ADCY2: variants seen among roughly 807,000 people sequenced by gnomAD.
ADCY2 encodes adenylate cyclase 2, also known as adenylate cyclase type 2.
A neutral mutation model predicts 125.2 loss-of-function variants in ADCY2; 31 were observed. The observed-to-expected ratio is 0.25, with a 90% CI of 0.19 to 0.33. The LOEUF (loss-of-function observed/expected upper bound fraction) is 0.33. ADCY2 is among the 10% of genes least tolerant of loss of function. The pLI, the probability that ADCY2 is intolerant of heterozygous loss-of-function variation, is 1.00. For synonymous variants in ADCY2, 512 were observed against 548.4 expected, an observed-to-expected ratio of 0.93 and a Z score of 0.93; for missense variants, 904 against 1,418.2, an observed-to-expected ratio of 0.64 and a Z score of 5.82.
intron 3 of ADCY2, among the ~76,000 whole-genome samples, chr5:7,581,106 G>A (rs1447213761): frequency 6.6e-6 from 1 of 152,210 alleles, no homozygotes; most frequent in Non-Finnish European, 1.5e-5. Flanking sequence ...ATGATGGAAA[G>A]TTGGATTGCC....
At chr5:7,784,296 A>G in intron 18 of ADCY2, 69 bp from the exon 19 acceptor site, 1 of 1,133,294 alleles carries the variant, frequency 8.8e-7, no homozygotes, top group South Asian at 1.3e-5. Context: ...GTTGATATTC[A>G]AATTCTAAGT....
chr5:7,812,388 T>G (rs1463358035), intron 22 of ADCY2, among the ~76,000 whole-genome samples: 1 of 152,072 alleles, frequency 6.6e-6, no homozygotes, highest in East Asian at 1.9e-4. Flanking sequence ...CAAAGACACT[T>G]AAAAGGTCAG....
At chr5:7,480,966 G>A (rs531597644) in intron 2 of ADCY2, among the ~76,000 whole-genome samples, 2 of 152,200 alleles carry the variant, frequency 1.3e-5, no homozygotes, top group South Asian at 4.1e-4. Flanking sequence ...TATCTCTTTG[G>A]CATGCCAATT....
At chr5:7,761,673 C>A (rs541784556) in intron 16 of ADCY2, among the ~76,000 whole-genome samples, 1 of 151,996 alleles carries the variant, frequency 6.6e-6, no homozygotes, top group Non-Finnish European at 1.5e-5. Flanking sequence ...CTAGTTTGAC[C>A]TTATAAAACC....
At chr5:7,497,317 T>C (rs904629546) in intron 2 of ADCY2, among the ~76,000 whole-genome samples, 3 of 152,128 alleles carry the variant, frequency 2.0e-5, no homozygotes. Context: ...AAAATGTATA[T>C]GGTTTATAAT....
At chr5:7,428,211 CT>C (rs1445647874) in intron 2 of ADCY2, among the ~76,000 whole-genome samples, 4 of 152,184 alleles carry the variant, frequency 2.6e-5, no homozygotes, top group African/African-American at 9.7e-5. Context: ...CATGACTTTG[CT>C]TCAGGCAAAA....
intron 3 of ADCY2, among the ~76,000 whole-genome samples, chr5:7,526,588 A>G (rs887266059): frequency 2.0e-5 from 3 of 152,132 alleles, no homozygotes; most frequent in African/African-American, 7.2e-5. Context: ...CCCCCAAAAT[A>G]TGTGCAACTA....
intron 2 of ADCY2, among the ~76,000 whole-genome samples, chr5:7,452,580 T>C (rs1463553295): frequency 2.0e-5 from 3 of 152,234 alleles, no homozygotes; most frequent in Non-Finnish European, 4.4e-5. Flanking sequence ...GCAGGTGTCT[T>C]TTTGATATAA....
intron 3 of ADCY2, among the ~76,000 whole-genome samples, chr5:7,617,997 G>T (rs1737822250): frequency 6.6e-6 from 1 of 152,052 alleles, no homozygotes; most frequent in African/African-American, 2.4e-5. Context: ...GAATATTTTG[G>T]TCACACCAAA....
chr5:7,621,641 T>C (rs1737957464), intron 3 of ADCY2, among the ~76,000 whole-genome samples: 1 of 152,228 alleles, frequency 6.6e-6, no homozygotes, highest in South Asian at 2.1e-4. Context: ...CTGCTCTCTG[T>C]ACTCTTAAAT....
At chr5:7,632,071 C>G (rs1210160141) in intron 4 of ADCY2, among the ~76,000 whole-genome samples, 1 of 152,126 alleles carries the variant, frequency 6.6e-6, no homozygotes, top group Non-Finnish European at 1.5e-5. Flanking sequence ...GAGAGGAATT[C>G]AAGCCAGTGA....
chr5:7,614,993 C>T (rs542828587), intron 3 of ADCY2, among the ~76,000 whole-genome samples: 3 of 152,200 alleles, frequency 2.0e-5, no homozygotes, highest in Admixed American at 6.5e-5. Context: ...GAAGCATGGC[C>T]GAGGAGGCCT....
chr5:7,581,126 G>A (rs1736410876), intron 3 of ADCY2, among the ~76,000 whole-genome samples: 1 of 152,152 alleles, frequency 6.6e-6, no homozygotes, highest in South Asian at 2.1e-4. Flanking sequence ...CAGGAAAGAA[G>A]AACAACCTTT....
intron 11 of ADCY2, among the ~76,000 whole-genome samples, chr5:7,715,915 A>C (rs918967341): frequency 6.6e-6 from 1 of 152,222 alleles, no homozygotes; most frequent in East Asian, 1.9e-4. Flanking sequence ...TAGATGGTCT[A>C]TTCATTTGTA....
chr5:7,702,232 T>TC (rs1368400444), intron 7 of ADCY2, among the ~76,000 whole-genome samples: 1 of 150,716 alleles, frequency 6.6e-6, no homozygotes, highest in East Asian at 2.2e-4. Flanking sequence ...TTTCTTTTTT[T>TC]TTTTTTTTTT....
At chr5:7,537,045 G>T (rs992401764) in intron 3 of ADCY2, among the ~76,000 whole-genome samples, 3 of 152,022 alleles carry the variant, frequency 2.0e-5, no homozygotes, top group African/African-American at 7.2e-5. Flanking sequence ...AGAAATAAAA[G>T]AATTTTGTGG....
chr5:7,482,855 A>C (rs1446974287), intron 2 of ADCY2, among the ~76,000 whole-genome samples: 1 of 151,154 alleles, frequency 6.6e-6, no homozygotes, highest in African/African-American at 2.4e-5. Flanking sequence ...AAAGATAATT[A>C]AATCCTCTCA....
At chr5:7,468,541 T>G (rs1742215163) in intron 2 of ADCY2, among the ~76,000 whole-genome samples, 2 of 152,194 alleles carry the variant, frequency 1.3e-5, no homozygotes, top group African/African-American at 4.8e-5. Context: ...GTATAATTAT[T>G]AATTTTTTTG....
Position 7,430,752 on chromosome 5 carries a change from C to T in ADCY2, c.408+15982C>T, listed in dbSNP as rs954627518. ...CTTTTGTAGTCTTACATATTGGAAT[C>T]ATCTGTTAGAAATGGAAAAAAACCA... On this transcript the variant is annotated intron_variant, in intron 2 of 24. Transcript: ENST00000338316. 3.3e-5 allele frequency among the ~76,000 whole-genome samples: 5 copies of T among 151,822 alleles called. No individual in the cohort carries two copies. The East Asian group carries it at 9.6e-4, about 29-fold the overall frequency.
Sources: gnomAD v4.1 joint callset for allele counts (sites outside exome capture counted in the v4.1 genomes callset) on GRCh38, gnomAD v4.1.1 for gene constraint, MANE v1.5 for transcripts, NCBI Gene and HGNC (gene_info 2026-07-23, HGNC 2026-07-21) for gene names.